The following MAD1L1 variants were observed in gnomAD, a reference collection of about 807,000 sequenced individuals.
MAD1L1 encodes the protein mitotic spindle assembly checkpoint protein MAD1.
Under a neutral mutation model 96.9 loss-of-function variants are expected in MAD1L1, and 95 were observed. The observed-to-expected ratio is 0.98, with a 90% CI of 0.83 to 1.16. The LOEUF is 1.16. Among genes scored for constraint, MAD1L1 ranks in the 50% most tolerant of loss-of-function variants. MAD1L1 has a pLI of 0.00. For synonymous variants in MAD1L1, 473 were observed against 396.6 expected (o/e 1.19, Z -2.29); for missense variants, 1,007 against 954.4 (o/e 1.06, Z -0.73).
intron 18 of MAD1L1, among the ~76,000 whole-genome samples, chr7:1,863,706 G>A (rs1049795881): frequency 2.0e-5 from 3 of 152,202 alleles, no homozygotes; most frequent in Non-Finnish European, 4.4e-5. Context: ...GAGCTCCTGG[G>A]TGGAGGGTGG....
rs1170288504 is a variant in MAD1L1 at position 2,219,715 on chromosome 7, AG to A, written c.472-260del. The stretch of plus-strand genomic sequence containing the variant: ...AAGAGGAGCAGGGGAGCAGAGGGCC[AG>A]GGGGCAGAGCCACCTCCTTCTGGAG... On this transcript the variant is annotated intron_variant, in intron 5 of 18. Coordinates refer to ENST00000265854, the MANE Select transcript of MAD1L1 (RefSeq NM_001013836.2). Among the ~76,000 whole-genome samples, 3 of 150,666 alleles carry A rather than the reference AG, an allele frequency of 2.0e-5. No individual in the cohort carries two copies. The East Asian group carries it at 5.9e-4, about 30-fold the overall frequency.
At chr7:2,182,348 G>C (rs191413468) in intron 10 of MAD1L1, among the ~76,000 whole-genome samples, 117 of 151,824 alleles carry the variant, frequency 7.7e-4, no homozygotes, top group African/African-American at 2.6e-3. Flanking sequence ...ATCATAATAA[G>C]GGTTAAAAAT....
At chr7:1,850,003 G>A (rs1213277610) in intron 18 of MAD1L1, 3 of 152,220 alleles carry the variant, frequency 2.0e-5, no homozygotes, top group Admixed American at 6.5e-5. Context: ...AAACAGCCCC[G>A]CTTTGATTAG....
At chr7:2,134,538 C>T (rs1288456112) in intron 11 of MAD1L1, among the ~76,000 whole-genome samples, 1 of 152,236 alleles carries the variant, frequency 6.6e-6, no homozygotes, top group Non-Finnish European at 1.5e-5. Flanking sequence ...GGACTCCTTG[C>T]CTCGTGCCTG....
In MAD1L1 at chr7:1,905,054, G is replaced by A. The variant is rs768299061; in HGVS notation, c.1808-6664C>T. Among the ~76,000 whole-genome samples, 8 of 87,462 alleles carry A rather than the reference G, an allele frequency of 9.1e-5. 2 individuals carry two copies. Among genetic ancestry groups the A allele is most frequent in the Non-Finnish European group, 2.3e-5 (1 of 42,648 alleles). 57.4% of individuals were successfully genotyped at this position (87,462 alleles called of 152,430 possible). Reference sequence around the variant, plus strand: ...AGGCAGCAAGGATGCAGTGGCCTATGGAAGACGTTCTTGTGGAACTCATGA... The same window carrying A: ...AGGCAGCAAGGATGCAGTGGCCTATAGAAGACGTTCTTGTGGAACTCATGA... On this transcript the variant is annotated intron_variant, in intron 17 of 18. Coordinates refer to ENST00000265854, the MANE Select transcript of MAD1L1 (RefSeq NM_001013836.2).
intron 17 of MAD1L1, among the ~76,000 whole-genome samples, chr7:1,909,644 C>A (rs1434425014): frequency 1.3e-5 from 2 of 152,178 alleles, no homozygotes; most frequent in Non-Finnish European, 2.9e-5. Flanking sequence ...GGCTGCCGGC[C>A]CCAAATCCAA....
In MAD1L1 at chr7:1,883,212, C is replaced by A. The variant is rs544409057; in HGVS notation, c.1998+14988G>T. Among the ~76,000 whole-genome samples the A allele has an allele frequency of 4.7e-4, 71 of 152,302 alleles. 1 individual carries two copies. In the South Asian group the frequency reaches 0.015, roughly 32 times the overall value. On this transcript the variant is annotated intron_variant, in intron 18 of 18. Coordinates refer to ENST00000265854, the MANE Select transcript of MAD1L1 (RefSeq NM_001013836.2). The stretch of plus-strand genomic sequence containing the variant: ...ACTCCAGGAACCAGTTCCTTAACAA[C>A]AAACCTTGTGCCACAAACGGCCCCA...
intron 12 of MAD1L1, among the ~76,000 whole-genome samples, chr7:2,047,764 CAG>C (rs75101046): frequency 0.045 from 6,706 of 149,828 alleles, 225 homozygotes; most frequent in African/African-American, 0.09. Context: ...CACATGCATA[CAG>C]AGAGCTGCCT....
At chr7:2,144,583 G>T (rs903303609) in intron 11 of MAD1L1, among the ~76,000 whole-genome samples, 1 of 152,162 alleles carries the variant, frequency 6.6e-6, no homozygotes, top group Admixed American at 6.5e-5. Flanking sequence ...GGCCACAGAG[G>T]ACTGCAGCCT....
intron 10 of MAD1L1, among the ~76,000 whole-genome samples, chr7:2,173,268 G>C (rs1258103364): frequency 6.6e-6 from 1 of 152,096 alleles, no homozygotes; most frequent in Non-Finnish European, 1.5e-5. Flanking sequence ...TCTCAGGATG[G>C]AAGAGGAGGC....
chr7:2,192,321 A>G (rs1321111879), intron 10 of MAD1L1, among the ~76,000 whole-genome samples: 10 of 151,992 alleles, frequency 6.6e-5, no homozygotes, highest in Non-Finnish European at 1.5e-5. Flanking sequence ...TAGTAGAGAC[A>G]GGGTTTCACC....
chr7:2,003,674 A>T (rs1584048099), intron 13 of MAD1L1, among the ~76,000 whole-genome samples: 1 of 152,282 alleles, frequency 6.6e-6, no homozygotes, highest in East Asian at 1.9e-4. Flanking sequence ...ACCCCTGTGC[A>T]ACGCCTGTGG....
intron 14 of MAD1L1, among the ~76,000 whole-genome samples, chr7:1,983,373 G>T (rs147498257): frequency 1.3e-5 from 2 of 152,274 alleles, no homozygotes; most frequent in East Asian, 1.9e-4. Context: ...CTCTTGTGGT[G>T]GGGGAGAGCA....
At chr7:2,174,647 A>AT (rs1259822692) in intron 10 of MAD1L1, among the ~76,000 whole-genome samples, 8 of 151,482 alleles carry the variant, frequency 5.3e-5, no homozygotes, top group African/African-American at 9.7e-5. Flanking sequence ...ACTTACACTG[A>AT]TTTTTTCCCC....
intron 10 of MAD1L1, among the ~76,000 whole-genome samples, chr7:2,162,028 G>A (rs1320972353): frequency 9.9e-5 from 14 of 140,920 alleles, no homozygotes; most frequent in African/African-American, 2.9e-4. Flanking sequence ...CCATCCACCC[G>A]GCCGCCCCGT....
intron 12 of MAD1L1, among the ~76,000 whole-genome samples, chr7:2,047,495 C>A (rs969913731): frequency 1.3e-5 from 2 of 152,238 alleles, no homozygotes; most frequent in Admixed American, 1.3e-4. Context: ...ACCTCCCAGT[C>A]TGAGCACACT....
chr7:1,960,710 T>C (rs1370651345), intron 15 of MAD1L1, among the ~76,000 whole-genome samples: 1 of 152,188 alleles, frequency 6.6e-6, no homozygotes, highest in African/African-American at 2.4e-5. Flanking sequence ...AATCTGAGAC[T>C]TCAGTATCCC....
chr7:1,873,121 C>G (rs895532139), intron 18 of MAD1L1, among the ~76,000 whole-genome samples: 4 of 152,236 alleles, frequency 2.6e-5, no homozygotes, highest in African/African-American at 9.6e-5. Context: ...CCCCGTGGGG[C>G]TGGTGGGCCC....
At chr7:1,901,177 C>A (rs533553752) in intron 17 of MAD1L1, among the ~76,000 whole-genome samples, 20 of 152,332 alleles carry the variant, frequency 1.3e-4, no homozygotes, top group Admixed American at 2.0e-4. Flanking sequence ...TGGGGCAGAT[C>A]AAGCCAGCGT....
Sources: gnomAD v4.1 joint callset for allele counts (sites outside exome capture counted in the v4.1 genomes callset) on GRCh38, gnomAD v4.1.1 for gene constraint, MANE v1.5 for transcripts, NCBI Gene and HGNC (gene_info 2026-07-23, HGNC 2026-07-21) for gene names.